CDH20: variants seen among roughly 807,000 people sequenced by gnomAD.
CDH20 encodes cadherin 20, also known as cadherin-20.
In CDH20, 29 loss-of-function variants were observed where a neutral mutation model predicts 74.2. That is an observed-to-expected ratio of 0.39 (90% confidence interval 0.29 to 0.53). The LOEUF (loss-of-function observed/expected upper bound fraction) is 0.53, where lower values mean the gene tolerates loss of function less well. CDH20 is among the 20% of genes least tolerant of loss of function. The pLI is 0.69. For synonymous variants in CDH20, 469 were observed against 405.4 expected (o/e 1.16, Z -1.88); for missense variants, 988 against 1,048.3 (o/e 0.94, Z 0.79).
intron 1 of CDH20, among the ~76,000 whole-genome samples, chr18:61,423,618 T>A (rs1171807262): frequency 6.6e-6 from 1 of 152,132 alleles, no homozygotes; most frequent in Non-Finnish European, 1.5e-5. Context: ...CTACATTTTA[T>A]AACATCTAGC....
intron 1 of CDH20, among the ~76,000 whole-genome samples, chr18:61,418,099 C>G (rs905384549): frequency 6.6e-6 from 1 of 152,026 alleles, no homozygotes; most frequent in Non-Finnish European, 1.5e-5. Context: ...AGTATCATAA[C>G]CTTATAAAGT....
At chr18:61,375,560 A>C (rs1230404964) in intron 1 of CDH20, among the ~76,000 whole-genome samples, 1 of 152,176 alleles carries the variant, frequency 6.6e-6, no homozygotes, top group African/African-American at 2.4e-5. Context: ...TGAACAAGGA[A>C]GCCGTTTCAT....
intron 1 of CDH20, among the ~76,000 whole-genome samples, chr18:61,461,245 G>A (rs187601332): frequency 1.0e-4 from 15 of 148,356 alleles, no homozygotes; most frequent in African/African-American, 3.7e-4. Flanking sequence ...GGATCAAAAT[G>A]ATTACTAACT....
chr18:61,501,800 T>C (rs1376443927), intron 4 of CDH20, among the ~76,000 whole-genome samples: 1 of 152,034 alleles, frequency 6.6e-6, no homozygotes, highest in Non-Finnish European at 1.5e-5. Context: ...AGAGGAAGGG[T>C]GCCCACAGGG....
intron 6 of CDH20, among the ~76,000 whole-genome samples, chr18:61,526,317 C>T (rs1157793140): frequency 6.6e-5 from 10 of 150,388 alleles, no homozygotes; most frequent in East Asian, 3.9e-4. Context: ...TTAGTAGAGA[C>T]GATTTTTTTT....
intron 1 of CDH20, among the ~76,000 whole-genome samples, chr18:61,461,779 A>G (rs1450504049): frequency 6.6e-6 from 1 of 152,126 alleles, no homozygotes; most frequent in East Asian, 1.9e-4. Context: ...GGGTCCAAAT[A>G]TCCTCTAGAG....
At chr18:61,380,785 G>C (rs767199264) in intron 1 of CDH20, among the ~76,000 whole-genome samples, 2 of 152,012 alleles carry the variant, frequency 1.3e-5, no homozygotes, top group Non-Finnish European at 2.9e-5. Context: ...CTCCAGCCTG[G>C]ACAACAAGAG....
intron 1 of CDH20, among the ~76,000 whole-genome samples, chr18:61,340,996 G>A (rs1909929520): frequency 6.6e-6 from 1 of 152,146 alleles, no homozygotes; most frequent in Non-Finnish European, 1.5e-5. Flanking sequence ...CTTTTCCTAT[G>A]CAAATGGCTT....
chr18:61,382,437 A>G (rs192018965), intron 1 of CDH20, among the ~76,000 whole-genome samples: 7 of 152,194 alleles, frequency 4.6e-5, no homozygotes, highest in African/African-American at 1.2e-4. Flanking sequence ...TAGATTCATC[A>G]AATCCCTTAA....
intron 1 of CDH20, among the ~76,000 whole-genome samples, chr18:61,418,177 C>T (rs977182508): frequency 1.3e-5 from 2 of 152,104 alleles, no homozygotes; most frequent in Admixed American, 1.3e-4. Flanking sequence ...TCTTTGGAAC[C>T]TAGTTATTTA....
At chr18:61,359,499 TAAG>T (rs1401386975) in intron 1 of CDH20, among the ~76,000 whole-genome samples, 2 of 152,174 alleles carry the variant, frequency 1.3e-5, no homozygotes, top group African/African-American at 4.8e-5. Context: ...ACCAATCTTC[TAAG>T]AATTCACTTT....
chr18:61,493,011 C>T (rs1911014526), intron 2 of CDH20, among the ~76,000 whole-genome samples: 1 of 152,130 alleles, frequency 6.6e-6, no homozygotes, highest in Non-Finnish European at 1.5e-5. Flanking sequence ...TATCCTTAAC[C>T]TGTAGTAGTA....
intron 1 of CDH20, among the ~76,000 whole-genome samples, chr18:61,380,013 G>A (rs1911381264): frequency 6.6e-6 from 1 of 152,180 alleles, no homozygotes; most frequent in African/African-American, 2.4e-5. Flanking sequence ...TCCTTGTCAG[G>A]ATTCTTAATG....
At chr18:61,396,774 G>C (rs1009723961) in intron 1 of CDH20, among the ~76,000 whole-genome samples, 1 of 152,224 alleles carries the variant, frequency 6.6e-6, no homozygotes, top group Admixed American at 6.5e-5. Context: ...ATCCTGCAGA[G>C]GTAGCAGGCA....
intron 1 of CDH20, among the ~76,000 whole-genome samples, chr18:61,407,444 T>C (rs1241505085): frequency 6.6e-6 from 1 of 152,200 alleles, no homozygotes; most frequent in Non-Finnish European, 1.5e-5. Context: ...AGTCCTTCCT[T>C]CTATTTTCAA....
chr18:61,370,864 T>A (rs751103031), intron 1 of CDH20, among the ~76,000 whole-genome samples: 27 of 152,222 alleles, frequency 1.8e-4, no homozygotes, highest in Middle Eastern at 6.8e-3. Context: ...AAGTATTCAG[T>A]GACAAATCAA....
intron 11 of CDH20, among the ~76,000 whole-genome samples, chr18:61,552,748 T>C (rs1913479752): frequency 1.3e-5 from 2 of 152,336 alleles, no homozygotes; most frequent in East Asian, 1.9e-4. Context: ...TCACACTCAA[T>C]ATTGTTTCCC....
chr18:61,456,053 T>G (rs1353433194), intron 1 of CDH20, among the ~76,000 whole-genome samples: 2 of 152,202 alleles, frequency 1.3e-5, no homozygotes, highest in Non-Finnish European at 2.9e-5. Flanking sequence ...AAAAATGAAC[T>G]CTCATAACCC....
intron 1 of CDH20, among the ~76,000 whole-genome samples, chr18:61,421,344 A>G (rs1356931469): frequency 6.6e-6 from 1 of 152,208 alleles, no homozygotes; most frequent in Non-Finnish European, 1.5e-5. Context: ...TCACTTAATG[A>G]AATTCATAAT....
Sources: allele counts gnomAD v4.1 joint callset (sites outside exome capture counted in the v4.1 genomes callset), GRCh38; gene constraint gnomAD v4.1.1; transcripts MANE v1.5; gene names NCBI Gene and HGNC (gene_info 2026-07-23, HGNC 2026-07-21).